FSIP2: variants seen among roughly 807,000 people sequenced by gnomAD.
The protein encoded by FSIP2 is fibrous sheath-interacting protein 2.
Under a neutral mutation model 510.5 loss-of-function variants are expected in FSIP2, and 367 were observed. That is an observed-to-expected ratio of 0.72 (90% CI 0.66 to 0.78). FSIP2 has a LOEUF of 0.78. Among genes scored for constraint, FSIP2 ranks in the 30% least tolerant of loss-of-function variants. The pLI, the probability that FSIP2 is intolerant of heterozygous loss-of-function variation, is 0.00. For synonymous variants in FSIP2, 2,601 were observed against 2,732.2 expected, an observed-to-expected ratio of 0.95 and a Z score of 1.50; for missense variants, 7,594 against 7,901.7, an observed-to-expected ratio of 0.96 and a Z score of 1.48.
In FSIP2 at chr2:185,739,234, A is replaced by T. The variant is rs1328707943; in HGVS notation, c.100-112A>T. On this transcript the variant is annotated intron_variant, in intron 1 of 22. Transcript: ENST00000424728. Reference sequence around the variant, plus strand: ...ACGGGAGGACTTCAGGATGCCCCGAACCCTGATTGTATAATTCTTCGGAGT... The same window carrying T: ...ACGGGAGGACTTCAGGATGCCCCGATCCCTGATTGTATAATTCTTCGGAGT... 7 of 1,261,584 alleles carry T rather than the reference A, an allele frequency of 5.5e-6. No individual in the cohort carries two copies. In the Admixed American group the frequency reaches 2.0e-4, roughly 37 times the overall value. The allele number at this position is 1,261,584 out of a possible 1,614,324, so 78.1% of individuals were successfully genotyped here.
At position 185,804,557 on chromosome 2, in the gene FSIP2, C is replaced by T. The variant is rs773888377; in HGVS notation, c.15251C>T (p.Ser5084Leu). The T allele has an allele frequency of 5.1e-5, 78 of 1,527,612 alleles. No homozygotes were observed. The South Asian group carries it at 8.0e-4, about 16-fold the overall frequency. 94.6% of individuals were successfully genotyped at this position (1,527,612 alleles called of 1,614,324 possible). A position where few individuals can be genotyped will look rare whatever the true frequency, so the allele number is the denominator to read the frequency against. The change falls in exon 17 of 23, where the codon TCG (serine) becomes TTG (leucine). Residue 5084 changes from serine (S) to leucine (L), a missense_variant. Transcript: ENST00000424728. ...VSGELESSSYSYPQADNIIRN... is the reference protein window; with the variant it reads ...VSGELESSSYLYPQADNIIRN... Reference sequence around the variant, plus strand: ...GGAGAATTAGAGTCTTCTTCTTATTCGTATCCCCAAGCTGATAATATCATC... The same window carrying T: ...GGAGAATTAGAGTCTTCTTCTTATTTGTATCCCCAAGCTGATAATATCATC...
Position 185,807,653 on chromosome 2 carries a change from A to G in FSIP2, c.18347A>G (p.Asn6116Ser). The G allele has an allele frequency of 6.2e-7, 1 of 1,613,014 alleles. No homozygotes were observed. Among genetic ancestry groups the G allele is most frequent in the Non-Finnish European group, 8.5e-7 (1 of 1,179,326 alleles). Residue 6116 changes from asparagine to serine, a missense_variant, in exon 17 of 23, where the codon AAC becomes AGC. Coordinates refer to ENST00000424728, the MANE Select transcript of FSIP2 (RefSeq NM_173651.4). Reference protein sequence around the residue: ...VTSGCKILSENIVDLVLREVA... With the variant: ...VTSGCKILSESIVDLVLREVA... ...AGTGGATGCAAAATCCTTTCAGAAAACATAGTTGACTTGGTTCTACGAGAA... is the reference window on the plus strand; with the variant it reads ...AGTGGATGCAAAATCCTTTCAGAAAGCATAGTTGACTTGGTTCTACGAGAA...
intron 13 of FSIP2, chr2:185,765,065 A>G (rs906703520): frequency 1.3e-5 from 2 of 152,036 alleles, no homozygotes; most frequent in African/African-American, 2.4e-5. Context: ...AAAACTGTAT[A>G]TATTGACGGT....
At position 185,756,272 on chromosome 2, in the gene FSIP2, A is replaced by G; in HGVS notation, c.1072A>G (p.Thr358Ala). 8.4e-7 allele frequency: 1 copy of G among 1,190,892 alleles called. No homozygotes were observed. The highest frequency in any genetic ancestry group is 1.6e-5 in the South Asian group (1 of 61,988). The allele number at this position is 1,190,892 out of a possible 1,614,324, so 73.8% of individuals were successfully genotyped here. Residue 358 changes from threonine (T) to alanine (A), a missense_variant, in exon 9 of 23, where the codon ACA (threonine) becomes GCA (alanine). Thr to Ala is a moderately conservative substitution (Grantham distance 58). Transcript: ENST00000424728. ...PAGDQNTYKETHGHTANAAHQ... is the reference protein window; with the variant it reads ...PAGDQNTYKEAHGHTANAAHQ... ...TGGAGACCAGAATACATATAAAGAA[A>G]CACATGGTAATTGAATATTGTGACA...
Position 185,803,081 on chromosome 2 carries a change from T to G in FSIP2, c.13775T>G (p.Phe4592Cys). The change falls in exon 17 of 23, where the codon TTT becomes TGT. Residue 4592 changes from phenylalanine to cysteine, a missense_variant. Transcript: ENST00000424728. ...ATCTGTCAAAAACATCTTCAGCCAT[T>G]TGTGAGTGGAAAATCATTATCTTCA... is the stretch of plus-strand genomic sequence containing the variant. ...KHICQKHLQP[F>C]VSGKSLSSSD... 4 of 1,515,032 alleles carry G rather than the reference T, an allele frequency of 2.6e-6. No individual in the cohort carries two copies. The highest frequency in any genetic ancestry group is 3.5e-6 in the Non-Finnish European group (4 of 1,137,860). The allele number at this position is 1,515,032 out of a possible 1,614,324, so 93.8% of individuals were successfully genotyped here.
chr2:185,805,621 C>A lies in FSIP2; in HGVS notation c.16315C>A (p.Leu5439Ile). Residue 5439 changes from leucine (L) to isoleucine (I), a missense_variant, in exon 17 of 23, where the codon CTT becomes ATT. Transcript: ENST00000424728. ...AAGCAGATGTGCAAAAGAGAACCAA[C>A]TTTCTTTACCAGATCAATCATATAA... Reference protein sequence around the residue: ...QISRCAKENQLSLPDQSYKDT... With the variant: ...QISRCAKENQISLPDQSYKDT... The A allele has an allele frequency of 6.2e-7, 1 of 1,608,924 alleles. No homozygotes were observed. Among genetic ancestry groups the A allele is most frequent in the Non-Finnish European group, 8.5e-7 (1 of 1,177,864 alleles).
intron 21 of FSIP2, among the ~76,000 whole-genome samples, chr2:185,830,477 T>G (rs1694087816): frequency 6.6e-6 from 1 of 151,882 alleles, no homozygotes; most frequent in East Asian, 1.9e-4. Flanking sequence ...TCCCCAAAGA[T>G]ATCAAAATTC....
rs570950501 is a variant in FSIP2, at chr2:185,788,223, T to A, written c.1507-420T>A. On this transcript the variant is annotated intron_variant, in intron 15 of 22. Coordinates refer to ENST00000424728, the MANE Select transcript of FSIP2 (RefSeq NM_173651.4). ...TTTTGACTGGATCTGTCTTGAGAAA[T>A]GTTTTGTTAGAAATATTTAATGTAT... The A allele has an allele frequency of 2.0e-5, 3 of 152,930 alleles. No homozygotes were observed. The Admixed American group carries it at 2.0e-4, about 10-fold the overall frequency. The allele number at this position is 152,930 out of a possible 1,614,324, so 9.5% of individuals were successfully genotyped here.
At chr2:185,750,429 T>C (rs1042357877) in intron 7 of FSIP2, among the ~76,000 whole-genome samples, 2 of 151,594 alleles carry the variant, frequency 1.3e-5, no homozygotes, top group African/African-American at 4.8e-5. Flanking sequence ...TCCTTTGTTA[T>C]CATTTGAGTA....
Position 185,800,663 on chromosome 2 carries a change from A to T in FSIP2, c.11357A>T (p.Glu3786Val). The T allele has an allele frequency of 6.5e-7, 1 of 1,534,250 alleles. No individual in the cohort carries two copies. The highest frequency in any genetic ancestry group is 8.7e-7 in the Non-Finnish European group (1 of 1,145,672). ...KGSVSEETSA[E>V]ECQLLKMLQS... ...TCTGTTTCAGAGGAAACATCAGCAG[A>T]AGAATGTCAACTTTTAAAAATGCTT... The change falls in exon 17 of 23, where the codon GAA becomes GTA. Residue 3786 changes from glutamate (E) to valine (V), a missense_variant. By Grantham distance (121) the Glu-to-Val change is moderately radical. Transcript: ENST00000424728.
Position 185,803,810 on chromosome 2 carries a change from CAAT to C in FSIP2, c.14508_14510del (p.Ile4837del), listed in dbSNP as rs1693498508. On this transcript the variant is annotated inframe_deletion, in exon 17 of 23. Coordinates refer to ENST00000424728, the MANE Select transcript of FSIP2 (RefSeq NM_173651.4). The stretch of plus-strand genomic sequence containing the variant: ...ATAAAACTGATAAATGAAATTATGT[CAAT>C]AATTTCAAAACATGAAATATGTATT... 1 of 1,497,956 alleles carries C rather than the reference CAAT, an allele frequency of 6.7e-7. No homozygotes were observed. Among genetic ancestry groups the C allele is most frequent in the Non-Finnish European group, 8.9e-7 (1 of 1,121,854 alleles). The allele number at this position is 1,497,956 out of a possible 1,614,324, so 92.8% of individuals were successfully genotyped here.
chr2:185,776,595 C>A (rs1692727400), intron 13 of FSIP2, among the ~76,000 whole-genome samples: 1 of 152,056 alleles, frequency 6.6e-6, no homozygotes, highest in African/African-American at 2.4e-5. Flanking sequence ...GAATTAGCAT[C>A]AAAAAGCATA....
chr2:185,806,611 G>C lies in FSIP2; in HGVS notation c.17305G>C (p.Asp5769His), dbSNP rs760711007. 6.2e-7 allele frequency: 1 copy of C among 1,609,120 alleles called. No individual in the cohort carries two copies. Among genetic ancestry groups the C allele is most frequent in the South Asian group, 1.1e-5 (1 of 90,304 alleles). ...GATTAAAAGTGAACCCAGTAAACCA[G>C]ATGATCCTCAAAACCAACGAGAAAG... is the stretch of plus-strand genomic sequence containing the variant. Reference protein sequence around the residue: ...EEIKSEPSKPDDPQNQRESKP... With the variant: ...EEIKSEPSKPHDPQNQRESKP... Residue 5769 changes from aspartate to histidine, a missense_variant, in exon 17 of 23, where the codon GAT becomes CAT. Asp to His is a moderately conservative substitution (Grantham distance 81). Transcript: ENST00000424728.
chr2:185,805,441 G>A lies in FSIP2; in HGVS notation c.16135G>A (p.Gly5379Arg). ...QKGDESNIAI[G>R]MIAALTQKAI... ...AGGTGATGAAAGTAACATTGCTATA[G>A]GGATGATTGCTGCTCTAACCCAGAA... Residue 5379 changes from glycine (G) to arginine (R), a missense_variant, in exon 17 of 23, where the codon GGG (glycine) becomes AGG (arginine). Coordinates refer to ENST00000424728, the MANE Select transcript of FSIP2 (RefSeq NM_173651.4). 6.2e-7 allele frequency: 1 copy of A among 1,609,910 alleles called. No individual in the cohort carries two copies. Among genetic ancestry groups the A allele is most frequent in the Non-Finnish European group, 8.5e-7 (1 of 1,177,920 alleles).
In FSIP2 at chr2:185,782,712, G is replaced by C. The variant is rs1426605539; in HGVS notation, c.1419G>C (p.Gln473His). 5 of 1,515,600 alleles carry C rather than the reference G, an allele frequency of 3.3e-6. No individual in the cohort carries two copies. In the African/African-American group the frequency reaches 6.9e-5, roughly 21 times the overall value. The allele number at this position is 1,515,600 out of a possible 1,614,324, so 93.9% of individuals were successfully genotyped here. ...RSSYLCESGP[Q>H]AHATDPGIFS... ...TATTTTTCTGATAAATAGGACCTCA[G>C]GCTCATGCTACAGACCCGGGTATAT... The change falls in exon 14 of 23, where the codon CAG becomes CAC. Residue 473 changes from glutamine to histidine, a missense_variant. By Grantham distance (24) the Gln-to-His change is conservative. Transcript: ENST00000424728.
intron 7 of FSIP2, among the ~76,000 whole-genome samples, chr2:185,752,179 G>A (rs1300892163): frequency 6.7e-6 from 1 of 149,904 alleles, no homozygotes; most frequent in East Asian, 2.0e-4. Flanking sequence ...TTGAGTATAT[G>A]TTGGTTAACA....
rs1053001271 is a variant in FSIP2, at chr2:185,790,347, G to A, written c.3211G>A (p.Glu1071Lys). The part of the protein sequence containing the change: ...AAFHDWELKT[E>K]PPSTNHEDIL... Reference sequence around the variant, plus strand: ...ATTTCATGATTGGGAATTAAAGACTGAGCCACCATCTACTAATCATGAAGA... The same window carrying A: ...ATTTCATGATTGGGAATTAAAGACTAAGCCACCATCTACTAATCATGAAGA... The change falls in exon 16 of 23, where the codon GAG becomes AAG. Residue 1071 changes from glutamate to lysine, a missense_variant. Transcript: ENST00000424728. 4.6e-6 allele frequency: 7 copies of A among 1,533,054 alleles called. No individual in the cohort carries two copies. Among genetic ancestry groups the A allele is most frequent in the South Asian group, 1.2e-5 (1 of 83,722 alleles). 95.0% of individuals were successfully genotyped at this position (1,533,054 alleles called of 1,614,324 possible).
Position 185,797,509 on chromosome 2 carries a change from A to G in FSIP2, c.10373A>G (p.Lys3458Arg), listed in dbSNP as rs1559030684. 6.7e-7 allele frequency: 1 copy of G among 1,498,348 alleles called. No individual in the cohort carries two copies. Among genetic ancestry groups the G allele is most frequent in the South Asian group, 1.3e-5 (1 of 77,186 alleles). 92.8% of individuals were successfully genotyped at this position (1,498,348 alleles called of 1,614,324 possible). ...ACCACATCTGTGGTCACATATTTGA[A>G]GAACTTTGAAACTACAGGTAAGCAA... ...HVTTSVVTYLKNFETTVFSEE... is the reference protein window; with the variant it reads ...HVTTSVVTYLRNFETTVFSEE... The change falls in exon 16 of 23, where the codon AAG (lysine) becomes AGG (arginine). Residue 3458 changes from lysine to arginine, a missense_variant. Coordinates refer to ENST00000424728, the MANE Select transcript of FSIP2 (RefSeq NM_173651.4).
At position 185,808,669 on chromosome 2, in the gene FSIP2, G is replaced by T. The variant is rs1395488098; in HGVS notation, c.19363G>T (p.Ala6455Ser). The T allele has an allele frequency of 1.9e-6, 3 of 1,606,488 alleles. No individual in the cohort carries two copies. The highest frequency in any genetic ancestry group is 2.7e-5 in the African/African-American group (2 of 74,378). The change falls in exon 17 of 23, where the codon GCT becomes TCT. Residue 6455 changes from alanine (A) to serine (S), a missense_variant. By Grantham distance (99) the Ala-to-Ser change is moderately conservative. Coordinates refer to ENST00000424728, the MANE Select transcript of FSIP2 (RefSeq NM_173651.4). ...AAATACAGCCTTTCCTAAAAAAGTG[G>T]CTAGTTTAATTATTGATGGAGTTTC... ...DTNTAFPKKV[A>S]SLIIDGVSSF...
Sources: allele counts gnomAD v4.1 joint callset (sites outside exome capture counted in the v4.1 genomes callset), GRCh38; gene constraint gnomAD v4.1.1; transcripts MANE v1.5; gene names NCBI Gene and HGNC (gene_info 2026-07-23, HGNC 2026-07-21).